Variants in DLC1 observed in about 807,000 individuals in gnomAD.
DLC1 encodes the protein rho GTPase-activating protein 7.
Under a neutral mutation model 140.3 loss-of-function variants are expected in DLC1, and 54 were observed. The ratio of observed to expected loss-of-function variants is 0.38; its 90% CI spans 0.31 to 0.48. DLC1 has a LOEUF of 0.48. Ranked by LOEUF, DLC1 falls within the 20% of genes least tolerant of loss-of-function variation. DLC1 has a pLI of 0.96. For synonymous variants in DLC1, 986 were observed against 728.1 expected (o/e 1.35, Z -5.70); for missense variants, 2,536 against 1,907.0 (o/e 1.33, Z -6.14).
intron 5 of DLC1, among the ~76,000 whole-genome samples, chr8:13,239,012 G>A (rs1326824785): frequency 2.0e-5 from 3 of 152,174 alleles, no homozygotes; most frequent in East Asian, 1.9e-4. Flanking sequence ...TCGGCAGTGT[G>A]ATGTGATTTG....
intron 1 of DLC1, among the ~76,000 whole-genome samples, chr8:13,545,307 A>G (rs1320412652): frequency 6.7e-6 from 1 of 150,296 alleles, no homozygotes; most frequent in Non-Finnish European, 1.5e-5. Context: ...TATACTATAT[A>G]TATATGCTAC....
intron 6 of DLC1, among the ~76,000 whole-genome samples, chr8:13,112,073 C>A (rs551227771): frequency 1.3e-5 from 2 of 152,092 alleles, no homozygotes; most frequent in Non-Finnish European, 2.9e-5. Context: ...ATCACCTGAG[C>A]CCCAGAGTTT....
intron 2 of DLC1, among the ~76,000 whole-genome samples, chr8:13,456,941 A>G (rs1484576717): frequency 2.6e-5 from 4 of 152,208 alleles, no homozygotes; most frequent in African/African-American, 4.8e-5. Context: ...AATGTGGTCA[A>G]ATGGTGCCCT....
chr8:13,462,365 T>G (rs1325597783), intron 2 of DLC1, among the ~76,000 whole-genome samples: 1 of 151,856 alleles, frequency 6.6e-6, no homozygotes, highest in Non-Finnish European at 1.5e-5. Flanking sequence ...CAATGTATCC[T>G]GAACAAGAGG....
At chr8:13,384,849 A>G (rs2117177854) in intron 4 of DLC1, among the ~76,000 whole-genome samples, 1 of 152,274 alleles carries the variant, frequency 6.6e-6, no homozygotes, top group South Asian at 2.1e-4. Flanking sequence ...CCTTAGCGAC[A>G]GGGAAGTACT....
intron 2 of DLC1, among the ~76,000 whole-genome samples, chr8:13,484,235 T>C (rs1235312310): frequency 1.3e-5 from 2 of 152,156 alleles, no homozygotes; most frequent in African/African-American, 4.8e-5. Flanking sequence ...GAAATGGATA[T>C]GAGAGATCAT....
chr8:13,505,915 A>G (rs1274942946), intron 1 of DLC1, among the ~76,000 whole-genome samples: 1 of 152,224 alleles, frequency 6.6e-6, no homozygotes, highest in Non-Finnish European at 1.5e-5. Flanking sequence ...ACATGCACAT[A>G]AATGGGGAAT....
At chr8:13,303,618 A>T (rs1223124611) in intron 5 of DLC1, among the ~76,000 whole-genome samples, 1 of 152,090 alleles carries the variant, frequency 6.6e-6, no homozygotes, top group Non-Finnish European at 1.5e-5. Flanking sequence ...CCTGGCCAAC[A>T]TGGCGAAACC....
At chr8:13,144,864 C>T (rs905677009) in intron 5 of DLC1, among the ~76,000 whole-genome samples, 1 of 152,092 alleles carries the variant, frequency 6.6e-6, no homozygotes, top group Non-Finnish European at 1.5e-5. Flanking sequence ...AATACAGACC[C>T]CTAAGGAAGA....
intron 5 of DLC1, among the ~76,000 whole-genome samples, chr8:13,287,902 G>A (rs1181250201): frequency 6.6e-6 from 1 of 151,446 alleles, no homozygotes; most frequent in African/African-American, 2.4e-5. Context: ...TTAGGAAATA[G>A]AATTTCTTAG....
intron 1 of DLC1, among the ~76,000 whole-genome samples, chr8:13,549,640 G>A (rs1363408781): frequency 1.3e-5 from 2 of 152,124 alleles, no homozygotes; most frequent in African/African-American, 2.4e-5. Context: ...CCTGTTAAAG[G>A]ATGTGGTAGA....
chr8:13,345,317 G>A (rs1470350718), intron 4 of DLC1, among the ~76,000 whole-genome samples: 2 of 152,040 alleles, frequency 1.3e-5, no homozygotes, highest in African/African-American at 4.8e-5. Context: ...GAATGAAGAA[G>A]AGAGTCGATT....
chr8:13,452,649 A>G (rs914894546), intron 2 of DLC1, among the ~76,000 whole-genome samples: 5 of 152,184 alleles, frequency 3.3e-5, no homozygotes, highest in Admixed American at 2.6e-4. Flanking sequence ...TAGAATTAAA[A>G]TATGTTTTTG....
At chr8:13,420,438 C>G (rs1322144503) in intron 2 of DLC1, among the ~76,000 whole-genome samples, 1 of 152,072 alleles carries the variant, frequency 6.6e-6, no homozygotes, top group Admixed American at 6.6e-5. Flanking sequence ...CATGTGCAAA[C>G]TTGCAGGTTT....
At chr8:13,540,809 G>C (rs139507627) in intron 1 of DLC1, among the ~76,000 whole-genome samples, 2 of 152,310 alleles carry the variant, frequency 1.3e-5, no homozygotes, top group African/African-American at 4.8e-5. Context: ...TACAAGCATG[G>C]TTTTGAATGT....
intron 15 of DLC1, among the ~76,000 whole-genome samples, chr8:13,089,698 C>G (rs1392941141): frequency 6.6e-6 from 1 of 152,178 alleles, no homozygotes; most frequent in African/African-American, 2.4e-5. Flanking sequence ...GGCCACCCAG[C>G]CTACTCCCAC....
chr8:13,511,747 A>G (rs1447671633), intron 1 of DLC1, among the ~76,000 whole-genome samples: 1 of 152,080 alleles, frequency 6.6e-6, no homozygotes, highest in Non-Finnish European at 1.5e-5. Flanking sequence ...CTCTATTTTG[A>G]TAATAAAATC....
At chr8:13,309,035 A>G (rs1368999868) in intron 4 of DLC1, among the ~76,000 whole-genome samples, 1 of 152,194 alleles carries the variant, frequency 6.6e-6, no homozygotes, top group East Asian at 1.9e-4. Context: ...ATTTGAATAT[A>G]CAATTTAAAT....
rs888497385 is a variant in DLC1, at chr8:13,248,855, C to T, written c.1348+56414G>A. On this transcript the variant is annotated intron_variant, in intron 5 of 17. Transcript: ENST00000276297. Reference sequence around the variant, plus strand: ...TCCACATTGAATTAAAGCTGCAATTCACCTTTTTTTTCCCTCCCTGGGATG... The same window carrying T: ...TCCACATTGAATTAAAGCTGCAATTTACCTTTTTTTTCCCTCCCTGGGATG... Among the ~76,000 whole-genome samples the T allele has an allele frequency of 7.9e-5, 12 of 152,152 alleles. No individual in the cohort carries two copies. The East Asian group carries it at 1.5e-3, about 20-fold the overall frequency.
Sources: allele counts gnomAD v4.1 joint callset (sites outside exome capture counted in the v4.1 genomes callset), GRCh38; gene constraint gnomAD v4.1.1; transcripts MANE v1.5; gene names NCBI Gene and HGNC (gene_info 2026-07-23, HGNC 2026-07-21).